NLRP11: variants seen among roughly 807,000 people sequenced by gnomAD.
The protein encoded by NLRP11 is NACHT, LRR and PYD domains-containing protein 11.
In NLRP11, 53 loss-of-function variants were observed where a neutral mutation model predicts 79.3. The observed-to-expected ratio is 0.67, with a 90% confidence interval of 0.54 to 0.84. The LOEUF (loss-of-function observed/expected upper bound fraction) is 0.84, where lower values mean the gene tolerates loss of function less well. Among genes scored for constraint, NLRP11 ranks in the 40% least tolerant of loss-of-function variants. NLRP11 has a pLI of 0.00. For synonymous variants in NLRP11, 518 were observed against 462.6 expected (o/e 1.12, Z -1.54); for missense variants, 1,264 against 1,255.0 (o/e 1.01, Z -0.11).
At chr19:55,800,567 T>G (rs1424701314) in intron 5 of NLRP11, among the ~76,000 whole-genome samples, 1 of 152,136 alleles carries the variant, frequency 6.6e-6, no homozygotes, top group African/African-American at 2.4e-5. Context: ...CCACATCCTC[T>G]GCCTCCCAAA....
At chr19:55,823,174 G>A (rs1416292921) in intron 1 of NLRP11, among the ~76,000 whole-genome samples, 4 of 145,892 alleles carry the variant, frequency 2.7e-5, no homozygotes, top group South Asian at 2.2e-4. Flanking sequence ...ACACGGCAGG[G>A]TATTCCAACA....
rs1206250654 is a variant in NLRP11, at chr19:55,831,118, A to AC, written c.-63+844dup. Among the ~76,000 whole-genome samples, 46 of 13,888 alleles carry AC rather than the reference A, an allele frequency of 3.3e-3. No individual in the cohort carries two copies. The East Asian group carries it at 0.051, about 15-fold the overall frequency. 9.1% of individuals were successfully genotyped at this position (13,888 alleles called of 152,430 possible). A position where few individuals can be genotyped will look rare whatever the true frequency, so the allele number is the denominator to read the frequency against. Reference sequence around the variant, plus strand: ...CCGCCCCACCCCCCCCATCCCCCCCACCCCCCCGCCCACAACCAACTGAGC... The same window carrying AC: ...CCGCCCCACCCCCCCCATCCCCCCCACCCCCCCCGCCCACAACCAACTGAGC... On this transcript the variant is annotated intron_variant, in intron 1 of 9. Transcript: ENST00000589093.
intron 6 of NLRP11, 91 bp downstream of exon 6, chr19:55,795,989 T>C (rs1236159007): frequency 1.7e-6 from 2 of 1,182,292 alleles, no homozygotes; most frequent in Non-Finnish European, 2.4e-6. Context: ...TGCTTTGCTG[T>C]CCCTTTCCCC....
intron 5 of NLRP11, among the ~76,000 whole-genome samples, chr19:55,800,211 A>G (rs543348409): frequency 6.6e-6 from 1 of 152,202 alleles, no homozygotes; most frequent in Non-Finnish European, 1.5e-5. Context: ...ATATTGAGTC[A>G]CCAGCAAGTA....
chr19:55,823,073 A>AGG (rs1981948822), intron 1 of NLRP11, among the ~76,000 whole-genome samples: 1 of 135,828 alleles, frequency 7.4e-6, no homozygotes, highest in Non-Finnish European at 1.6e-5. Flanking sequence ...TCTGAGAACC[A>AGG]GCAGACTGCC....
chr19:55,836,453 C>G (rs1983293270), upstream of NLRP11: 1 of 152,130 alleles, frequency 6.6e-6, no homozygotes, highest in Non-Finnish European at 1.5e-5. Context: ...CATCAAAAGC[C>G]CTCTGAGCCA....
chr19:55,785,972 T>C, intron 9 of NLRP11, 101 bp from the exon 10 acceptor site: 1 of 1,292,082 alleles, frequency 7.7e-7, no homozygotes, highest in Non-Finnish European at 1.1e-6. Context: ...TTGGGTATTC[T>C]TGGGAGTATC....
chr19:55,809,606 A>C lies in NLRP11; in HGVS notation c.1004T>G (p.Leu335Arg). 1 of 1,614,250 alleles carries C rather than the reference A, an allele frequency of 6.2e-7. No homozygotes were observed. Among genetic ancestry groups the C allele is most frequent in the Non-Finnish European group, 8.5e-7 (1 of 1,180,040 alleles). Residue 335 changes from leucine (L) to arginine (R), a missense_variant, in exon 3 of 10, where the codon CTG becomes CGG. Coordinates refer to ENST00000589093, the Ensembl canonical transcript of NLRP11. The surrounding 1 kb of genome is among the most constrained non-coding windows in gnomAD (Gnocchi z 4.5). ...CCAGCATAAGATGGCGACTCGGCACAGACCCACGAGTATTTCATCCTCATG... is the reference window on the plus strand; with the variant it reads ...CCAGCATAAGATGGCGACTCGGCACCGACCCACGAGTATTTCATCCTCATG...
At chr19:55,798,021 A>T (rs1273993314) in intron 5 of NLRP11, among the ~76,000 whole-genome samples, 5 of 137,188 alleles carry the variant, frequency 3.6e-5, no homozygotes, top group African/African-American at 1.1e-4. Flanking sequence ...TTTGAGATGG[A>T]GTTTTGCCCT....
At chr19:55,822,825 T>C (rs367775740) in intron 1 of NLRP11, among the ~76,000 whole-genome samples, 5 of 151,928 alleles carry the variant, frequency 3.3e-5, no homozygotes, top group East Asian at 1.9e-4. Flanking sequence ...AGGCGGCAGC[T>C]AGGCTGGGGG....
At chr19:55,804,022 C>A (rs1484096964) in intron 4 of NLRP11, among the ~76,000 whole-genome samples, 1 of 152,188 alleles carries the variant, frequency 6.6e-6, no homozygotes, top group Non-Finnish European at 1.5e-5. Flanking sequence ...GTGGAGGTTG[C>A]AGTGAGCCGA....
chr19:55,789,835 G>A (rs73616929), intron 7 of NLRP11, among the ~76,000 whole-genome samples: 13,043 of 152,158 alleles, frequency 0.086, 1,279 homozygotes, highest in African/African-American at 0.24. Context: ...CTATAAAGAG[G>A]ATTTTACCAA....
chr19:55,785,948 C>G lies in NLRP11; in HGVS notation c.2856-77G>C, dbSNP rs372343459. 5 of 1,445,610 alleles carry G rather than the reference C, an allele frequency of 3.5e-6. No homozygotes were observed. In the African/African-American group the frequency reaches 7.1e-5, roughly 21 times the overall value. The allele number at this position is 1,445,610 out of a possible 1,614,324, so 89.5% of individuals were successfully genotyped here. A position where few individuals can be genotyped will look rare whatever the true frequency, so the allele number is the denominator to read the frequency against. ...CTTTGTTGCATCAATGACTAATTCC[C>G]CATATGGCATCCTTTGGGTATTCTT... On this transcript the variant is annotated intron_variant, in intron 9 of 9. Coordinates refer to ENST00000589093, the Ensembl canonical transcript of NLRP11.
At chr19:55,818,324 G>A in intron 1 of NLRP11, 88 bp from the exon 2 acceptor site, 1 of 644,624 alleles carries the variant, frequency 1.6e-6, no homozygotes, top group Non-Finnish European at 2.6e-6. Context: ...CCTGTGGTGT[G>A]ATAGAAGCTC....
intron 3 of NLRP11, 83 bp downstream of exon 3, chr19:55,808,686 T>C: frequency 7.8e-7 from 1 of 1,279,262 alleles, no homozygotes; most frequent in East Asian, 2.3e-5. Flanking sequence ...GCCCCGAGTT[T>C]GTCTTGTTCT....
intron 2 of NLRP11, among the ~76,000 whole-genome samples, chr19:55,817,696 A>G (rs1981270948): frequency 6.6e-6 from 1 of 152,082 alleles, no homozygotes; most frequent in Non-Finnish European, 1.5e-5. Flanking sequence ...GGTGAGGGAT[A>G]AACGACTACA....
At chr19:55,802,746 C>T (rs299174) in intron 4 of NLRP11, among the ~76,000 whole-genome samples, 62,539 of 151,896 alleles carry the variant, frequency 0.41, 13,086 homozygotes, top group Non-Finnish European at 0.45. Context: ...GGAGGCATCA[C>T]GCTACCTGAT....
chr19:55,792,306 C>A, exon 7 of NLRP11: 1 of 1,613,694 alleles, frequency 6.2e-7, no homozygotes, highest in Non-Finnish European at 8.5e-7. Context: ...CTTACTGAAG[C>A]TCCTCTAACT....
chr19:55,820,909 G>A (rs982858026), intron 1 of NLRP11, among the ~76,000 whole-genome samples: 1 of 152,128 alleles, frequency 6.6e-6, no homozygotes, highest in Admixed American at 6.6e-5. Flanking sequence ...TGACACGTCC[G>A]AAACTGCCAT....
Sources: gnomAD v4.1 joint callset for allele counts (sites outside exome capture counted in the v4.1 genomes callset) on GRCh38, gnomAD v4.1.1 for gene constraint, Gnocchi (gnomAD v3.1) non-coding constraint, MANE v1.5 for transcripts, NCBI Gene and HGNC (gene_info 2026-07-23, HGNC 2026-07-21) for gene names.